Variants in ATF7IP2 observed in about 807,000 individuals in gnomAD.
ATF7IP2 encodes activating transcription factor 7-interacting protein 2.
A neutral mutation model predicts 64.2 loss-of-function variants in ATF7IP2; 42 were observed. The ratio of observed to expected loss-of-function variants is 0.65; its 90% confidence interval spans 0.51 to 0.85. The LOEUF is 0.85. ATF7IP2 is among the 40% of genes least tolerant of loss of function. The pLI, the probability that ATF7IP2 is intolerant of heterozygous loss-of-function variation, is 0.00. For missense variants in ATF7IP2, 933 were observed against 784.2 expected (o/e 1.19, Z -2.27); for synonymous variants, 308 against 272.8 (o/e 1.13, Z -1.27).
At chr16:10,418,917 T>C (rs2047932748) in intron 2 of ATF7IP2, among the ~76,000 whole-genome samples, 1 of 152,204 alleles carries the variant, frequency 6.6e-6, no homozygotes. Flanking sequence ...ATCTGACCGT[T>C]TTGTTCAGAC....
chr16:10,396,566 A>C (rs779878729), intron 1 of ATF7IP2, among the ~76,000 whole-genome samples: 1 of 152,030 alleles, frequency 6.6e-6, no homozygotes, highest in Non-Finnish European at 1.5e-5. Context: ...TCTGTGGCCC[A>C]GGCTGGAGTG....
At chr16:10,459,473 GAA>G (rs377627260) in intron 9 of ATF7IP2, among the ~76,000 whole-genome samples, 3 of 83,974 alleles carry the variant, frequency 3.6e-5, no homozygotes, top group Admixed American at 1.3e-4. Context: ...ATCTCAAAAA[GAA>G]AAAAAAAAAA....
intron 13 of ATF7IP2, among the ~76,000 whole-genome samples, 182 bp from the exon 14 acceptor site, chr16:10,481,654 C>A (rs956267512): frequency 1.3e-5 from 2 of 152,112 alleles, no homozygotes; most frequent in African/African-American, 4.8e-5. Context: ...TATTGATATT[C>A]CAGGATATAG....
intron 13 of ATF7IP2, 57 bp downstream of exon 13, chr16:10,481,021 C>A: frequency 2.4e-6 from 3 of 1,269,162 alleles, no homozygotes; most frequent in South Asian, 1.2e-5. Flanking sequence ...TGGGAAGTAG[C>A]TATGTTACTC....
In ATF7IP2 at chr16:10,481,954, G is replaced by C. The variant is rs748988436; in HGVS notation, c.1754G>C (p.Arg585Pro). The change falls in exon 14 of 14, where the codon CGG (arginine) becomes CCG (proline). Residue 585 changes from arginine to proline, a missense_variant. Arg to Pro is a moderately radical substitution (Grantham distance 103). Coordinates refer to ENST00000562102, the MANE Select transcript of ATF7IP2 (RefSeq NM_001393719.1). ...PPQKPELKVK[R>P]VFRPNGIALT... Reference sequence around the variant, plus strand: ...CAGAAGCCTGAGCTCAAAGTGAAACGGGTTTTCAGACCCAATGGCATTGCC... The same window carrying C: ...CAGAAGCCTGAGCTCAAAGTGAAACCGGTTTTCAGACCCAATGGCATTGCC... The C allele has an allele frequency of 6.2e-7, 1 of 1,613,946 alleles. No homozygotes were observed. Among genetic ancestry groups the C allele is most frequent in the Non-Finnish European group, 8.5e-7 (1 of 1,179,992 alleles).
intron 1 of ATF7IP2, among the ~76,000 whole-genome samples, chr16:10,410,147 G>A (rs1256844048): frequency 6.6e-6 from 1 of 152,148 alleles, no homozygotes; most frequent in Non-Finnish European, 1.5e-5. Context: ...CATTGAATTT[G>A]TAGATTGCTC....
At chr16:10,473,060 C>T (rs1045818183) in intron 10 of ATF7IP2, among the ~76,000 whole-genome samples, 2 of 152,102 alleles carry the variant, frequency 1.3e-5, no homozygotes, top group African/African-American at 4.8e-5. Context: ...ACAATTTGGG[C>T]TAAGATTGTG....
At chr16:10,440,541 C>A in intron 8 of ATF7IP2, 79 bp downstream of exon 8, 1 of 833,768 alleles carries the variant, frequency 1.2e-6, no homozygotes, top group Non-Finnish European at 1.9e-6. Flanking sequence ...GAATATATTT[C>A]CAGGCTAGGA....
intron 6 of ATF7IP2, among the ~76,000 whole-genome samples, chr16:10,434,507 A>G (rs561402980): frequency 3.7e-4 from 56 of 152,322 alleles, no homozygotes; most frequent in African/African-American, 1.3e-3. Context: ...TACATATACT[A>G]TGAATGTGTA....
chr16:10,441,822 T>G (rs759296101), intron 8 of ATF7IP2, among the ~76,000 whole-genome samples: 21 of 152,286 alleles, frequency 1.4e-4, no homozygotes, highest in Non-Finnish European at 2.4e-4. Context: ...CTTTGCCCAT[T>G]CCTATGTCCT....
At chr16:10,388,863 T>A (rs2047262223) in intron 1 of ATF7IP2, among the ~76,000 whole-genome samples, 1 of 151,974 alleles carries the variant, frequency 6.6e-6, no homozygotes, top group African/African-American at 2.4e-5. Flanking sequence ...TACAAAAAAA[T>A]TAGCCGGGCG....
chr16:10,424,681 C>A (rs1314845855), intron 3 of ATF7IP2, among the ~76,000 whole-genome samples: 2 of 152,140 alleles, frequency 1.3e-5, no homozygotes, highest in Admixed American at 6.5e-5. Context: ...CTCAAAGAAT[C>A]TGCATAGACA....
chr16:10,414,083 A>G (rs2047822992), intron 1 of ATF7IP2, among the ~76,000 whole-genome samples: 1 of 152,084 alleles, frequency 6.6e-6, no homozygotes, highest in Non-Finnish European at 1.5e-5. Flanking sequence ...TTTGCAGTGA[A>G]TTTCCCAGGT....
chr16:10,480,086 T>G (rs750896156), intron 12 of ATF7IP2, among the ~76,000 whole-genome samples: 10 of 147,990 alleles, frequency 6.8e-5, no homozygotes, highest in Non-Finnish European at 1.0e-4. Flanking sequence ...CCTCCCGGGT[T>G]TAAGCAATTC....
At chr16:10,420,680 T>C (rs1273525750) in intron 3 of ATF7IP2, among the ~76,000 whole-genome samples, 1 of 152,228 alleles carries the variant, frequency 6.6e-6, no homozygotes, top group African/African-American at 2.4e-5. Flanking sequence ...CTGTTTGCAA[T>C]TGGGAAAATA....
intron 9 of ATF7IP2, among the ~76,000 whole-genome samples, chr16:10,459,096 G>T (rs1387549160): frequency 6.6e-6 from 1 of 152,120 alleles, no homozygotes; most frequent in Admixed American, 6.5e-5. Flanking sequence ...CTCTTTGGGA[G>T]GCCGAGGCGG....
At position 10,482,253 on chromosome 16, in the gene ATF7IP2, G is replaced by GTGTT. The variant is rs779365607; in HGVS notation, c.*6_*9dup. The GTGTT allele has an allele frequency of 1.6e-4, 242 of 1,559,644 alleles. No homozygotes were observed. Among genetic ancestry groups the GTGTT allele is most frequent in the Middle Eastern group, 1.4e-3 (8 of 5,836 alleles). On this transcript the variant is annotated 3_prime_UTR_variant, in exon 14 of 14. Coordinates refer to ENST00000562102, the MANE Select transcript of ATF7IP2 (RefSeq NM_001393719.1). ...GTTTTCTGAAAATCTTACGTAAAAG[G>GTGTT]TGTTTAATAATGATATACTACTTTT...
rs1444058295 is a variant in ATF7IP2, at chr16:10,434,532, A to G, written c.960+883A>G. On this transcript the variant is annotated intron_variant, in intron 6 of 13. Transcript: ENST00000562102. The stretch of plus-strand genomic sequence containing the variant: ...ATGAATGTGTATTCTTCACCTAATA[A>G]TAAGGGAAAATAAAGGGAAAGAGTT... Among the ~76,000 whole-genome samples, 3 of 152,116 alleles carry G rather than the reference A, an allele frequency of 2.0e-5. 1 individual carries two copies. The highest frequency in any genetic ancestry group is 4.2e-4 in the South Asian group (2 of 4,810).
At chr16:10,431,559 T>C in intron 5 of ATF7IP2, 104 bp downstream of exon 5, 1 of 725,624 alleles carries the variant, frequency 1.4e-6, no homozygotes, top group Non-Finnish European at 2.2e-6. Flanking sequence ...AGAAAAAAGG[T>C]AAATGATGAC....
Sources: allele counts gnomAD v4.1 joint callset (sites outside exome capture counted in the v4.1 genomes callset), GRCh38; gene constraint gnomAD v4.1.1; transcripts MANE v1.5; gene names NCBI Gene and HGNC (gene_info 2026-07-23, HGNC 2026-07-21).